AHCYL2: variants seen among roughly 807,000 people sequenced by gnomAD.
AHCYL2 encodes the protein adenosylhomocysteinase like 2.
Under a neutral mutation model 81.4 loss-of-function variants are expected in AHCYL2, and 28 were observed. That is an observed-to-expected ratio of 0.34 (90% CI 0.25 to 0.47). The LOEUF is 0.47. Among genes scored for constraint, AHCYL2 ranks in the 20% least tolerant of loss-of-function variants. The pLI is 1.00. For missense variants in AHCYL2, 551 were observed against 785.1 expected (o/e 0.70, Z 3.56); for synonymous variants, 272 against 290.2 (o/e 0.94, Z 0.64).
chr7:129,343,018 A>G (rs1354653442), intron 1 of AHCYL2, among the ~76,000 whole-genome samples: 5 of 152,192 alleles, frequency 3.3e-5, no homozygotes, highest in Admixed American at 1.3e-4. Flanking sequence ...AGGGAAGTAT[A>G]CTATGGGGAT....
chr7:129,325,582 A>C (rs951163985), intron 1 of AHCYL2, among the ~76,000 whole-genome samples: 6 of 151,976 alleles, frequency 3.9e-5, no homozygotes, highest in Non-Finnish European at 8.8e-5. Flanking sequence ...AAATTTAGAA[A>C]ACTTTCAGCC....
chr7:129,259,396 A>T (rs1364130031), intron 1 of AHCYL2, among the ~76,000 whole-genome samples: 1 of 152,118 alleles, frequency 6.6e-6, no homozygotes, highest in Non-Finnish European at 1.5e-5. Context: ...TGTACTCCTA[A>T]CCTTTGAATT....
intron 11 of AHCYL2, among the ~76,000 whole-genome samples, chr7:129,412,114 C>T (rs895984494): frequency 6.6e-6 from 1 of 151,348 alleles, no homozygotes; most frequent in Admixed American, 6.6e-5. Context: ...TTTGGAAGGC[C>T]GAAGTAGGCA....
intron 1 of AHCYL2, among the ~76,000 whole-genome samples, chr7:129,319,906 A>ATT (rs530341146): frequency 1.4e-5 from 2 of 146,380 alleles, no homozygotes; most frequent in Admixed American, 1.4e-4. Flanking sequence ...ATATGCTTTC[A>ATT]TTTTTTTTTT....
intron 1 of AHCYL2, among the ~76,000 whole-genome samples, chr7:129,294,702 TA>T (rs1796995317): frequency 6.6e-6 from 1 of 152,222 alleles, no homozygotes; most frequent in Non-Finnish European, 1.5e-5. Context: ...AATATTTTAA[TA>T]AGATGGGGCA....
chr7:129,370,481 G>A (rs750315011), intron 1 of AHCYL2, among the ~76,000 whole-genome samples: 28 of 152,166 alleles, frequency 1.8e-4, no homozygotes, highest in Non-Finnish European at 3.7e-4. Flanking sequence ...GGCAGATCAC[G>A]AGGTCAGGAG....
chr7:129,393,078 C>T (rs35195965), intron 4 of AHCYL2, among the ~76,000 whole-genome samples: 1 of 152,122 alleles, frequency 6.6e-6, no homozygotes, highest in African/African-American at 2.4e-5. Context: ...GGTGGTGTCT[C>T]CCAGGATTTT....
In AHCYL2 at chr7:129,239,637, C is replaced by T. The variant is rs117818845; in HGVS notation, c.363+14198C>T. ...TTCATGCTTCTCTTTTATGAAACCT[C>T]AGAGTAGAAAAGCAAGAAAATAATT... On this transcript the variant is annotated intron_variant, in intron 1 of 16. Coordinates refer to ENST00000325006, the MANE Select transcript of AHCYL2 (RefSeq NM_015328.4). Among the ~76,000 whole-genome samples, 63 of 151,954 alleles carry T rather than the reference C, an allele frequency of 4.1e-4. No homozygotes were observed. The East Asian group carries it at 0.012, about 28-fold the overall frequency.
intron 1 of AHCYL2, among the ~76,000 whole-genome samples, chr7:129,315,696 T>C (rs772212163): frequency 2.0e-5 from 3 of 152,346 alleles, no homozygotes; most frequent in Middle Eastern, 6.8e-3. Context: ...TTAGTAAAAG[T>C]TGATTGAACC....
chr7:129,238,669 T>C (rs1483425782), intron 1 of AHCYL2, among the ~76,000 whole-genome samples: 1 of 152,178 alleles, frequency 6.6e-6, no homozygotes, highest in African/African-American at 2.4e-5. Flanking sequence ...AGAACCTCTG[T>C]GGCCGGGCGC....
intron 1 of AHCYL2, among the ~76,000 whole-genome samples, chr7:129,324,050 T>TATAGATTTC (rs1798131579): frequency 2.8e-5 from 1 of 35,170 alleles, no homozygotes; most frequent in Non-Finnish European, 6.7e-5. Context: ...TTTGTATTTT[T>TATAGATTTC]GTAGATTTCG....
chr7:129,420,196 A>T (rs369555036), intron 12 of AHCYL2, among the ~76,000 whole-genome samples: 2 of 152,164 alleles, frequency 1.3e-5, no homozygotes, highest in South Asian at 2.1e-4. Flanking sequence ...CCTTTCCTTG[A>T]TTCTGCCATA....
At chr7:129,394,467 GA>G (rs1795624667) in intron 4 of AHCYL2, among the ~76,000 whole-genome samples, 1 of 54,248 alleles carries the variant, frequency 1.8e-5, no homozygotes, top group Non-Finnish European at 3.9e-5. Flanking sequence ...TTTTTTTTGA[GA>G]CAGAGTTTTG....
At chr7:129,418,872 T>G (rs1275414162) in intron 12 of AHCYL2, among the ~76,000 whole-genome samples, 1 of 152,138 alleles carries the variant, frequency 6.6e-6, no homozygotes, top group Non-Finnish European at 1.5e-5. Flanking sequence ...GATGGACAAG[T>G]GGTAGAGGTG....
chr7:129,251,945 T>G (rs1437282619), intron 1 of AHCYL2, among the ~76,000 whole-genome samples: 1 of 152,198 alleles, frequency 6.6e-6, no homozygotes, highest in Non-Finnish European at 1.5e-5. Context: ...TATTTGTGTT[T>G]TTAATCTCTT....
At chr7:129,280,713 C>G (rs752421060) in intron 1 of AHCYL2, among the ~76,000 whole-genome samples, 21 of 151,656 alleles carry the variant, frequency 1.4e-4, no homozygotes, top group Non-Finnish European at 2.4e-4. Flanking sequence ...TTTTAGATCC[C>G]CTTTATCATG....
chr7:129,307,744 C>T (rs537654476), intron 1 of AHCYL2, among the ~76,000 whole-genome samples: 1 of 151,906 alleles, frequency 6.6e-6, no homozygotes, highest in African/African-American at 2.4e-5. Flanking sequence ...GCTCAAGAGT[C>T]TTACCTAAGA....
chr7:129,425,015 T>C (rs759033122), intron 14 of AHCYL2, 48 bp from the exon 15 acceptor site: 11 of 1,612,852 alleles, frequency 6.8e-6, no homozygotes, highest in South Asian at 2.2e-5. Flanking sequence ...CTTGCTTGGG[T>C]AGATTGCCAT....
chr7:129,338,586 C>T (rs924384509), intron 1 of AHCYL2, among the ~76,000 whole-genome samples: 3 of 152,184 alleles, frequency 2.0e-5, no homozygotes, highest in Non-Finnish European at 2.9e-5. Flanking sequence ...ATCAGACTTT[C>T]GGATCTTTCC....
Sources: allele counts gnomAD v4.1 joint callset (sites outside exome capture counted in the v4.1 genomes callset), GRCh38; gene constraint gnomAD v4.1.1; transcripts MANE v1.5; gene names NCBI Gene and HGNC (gene_info 2026-07-23, HGNC 2026-07-21).